SLC4A5: variants seen among roughly 807,000 people sequenced by gnomAD.
The protein encoded by SLC4A5 is solute carrier family 4 member 5.
Under a neutral mutation model 120.4 loss-of-function variants are expected in SLC4A5, and 96 were observed. That is an observed-to-expected ratio of 0.80 (90% CI 0.68 to 0.94). The LOEUF is 0.94. SLC4A5 is among the 40% of genes least tolerant of loss of function. SLC4A5 has a pLI of 0.00. For synonymous variants in SLC4A5, 550 were observed against 571.1 expected, an observed-to-expected ratio of 0.96 and a Z score of 0.53; for missense variants, 1,259 against 1,459.5, an observed-to-expected ratio of 0.86 and a Z score of 2.24.
chr2:74,280,558 C>T (rs567624621), intron 8 of SLC4A5, among the ~76,000 whole-genome samples: 7 of 152,348 alleles, frequency 4.6e-5, no homozygotes, highest in African/African-American at 1.7e-4. Context: ...TACTCTCCTT[C>T]AAACTGAGTG....
At chr2:74,267,575 A>G (rs1671344423) in intron 8 of SLC4A5, among the ~76,000 whole-genome samples, 1 of 152,256 alleles carries the variant, frequency 6.6e-6, no homozygotes, top group Admixed American at 6.5e-5. Context: ...GTCTGGAGAA[A>G]GCAAAAGTTT....
intron 8 of SLC4A5, among the ~76,000 whole-genome samples, chr2:74,277,320 C>T (rs1194446029): frequency 6.6e-6 from 1 of 152,070 alleles, no homozygotes; most frequent in Non-Finnish European, 1.5e-5. Flanking sequence ...GAGGCTGAGG[C>T]GGGTGGATCA....
At position 74,227,138 on chromosome 2, in the gene SLC4A5, G is replaced by A; in HGVS notation, c.2917-8C>T. On this transcript the variant is annotated splice_polypyrimidine_tract_variant and splice_region_variant and intron_variant, in intron 26 of 30. Transcript: ENST00000394019. The stretch of plus-strand genomic sequence containing the variant: ...CTTGCAGCGTTCCCAGAACTAGGGG[G>A]ACAGCGGGGGCTCAGCCAGGCAGCC... 3.1e-6 allele frequency: 5 copies of A among 1,601,880 alleles called. No homozygotes were observed. Among genetic ancestry groups the A allele is most frequent in the Non-Finnish European group, 4.3e-6 (5 of 1,174,132 alleles).
At chr2:74,226,732 C>T (rs996770928) in intron 27 of SLC4A5, among the ~76,000 whole-genome samples, 6 of 152,136 alleles carry the variant, frequency 3.9e-5, no homozygotes, top group East Asian at 3.9e-4. Context: ...TCTCACTGAG[C>T]GGCTCTGACA....
chr2:74,334,222 T>C (rs1234330532), intron 3 of SLC4A5, 45 bp from the exon 4 acceptor site: 1 of 152,290 alleles, frequency 6.6e-6, no homozygotes, highest in Non-Finnish European at 1.5e-5. Flanking sequence ...AAAGAGAAGC[T>C]GAGACATTGT....
chr2:74,252,862 A>G, intron 15 of SLC4A5, 112 bp downstream of exon 15: 1 of 1,300,642 alleles, frequency 7.7e-7, no homozygotes, highest in Middle Eastern at 2.1e-4. Flanking sequence ...TGTTGAGATT[A>G]CAGGCATGAG....
chr2:74,254,874 C>T (rs1192369617), intron 13 of SLC4A5, among the ~76,000 whole-genome samples, 168 bp from the exon 14 acceptor site: 1 of 150,594 alleles, frequency 6.6e-6, no homozygotes, highest in Admixed American at 6.6e-5. Flanking sequence ...GCATGGAGTG[C>T]AGTGGCGCAA....
At chr2:74,217,691 T>C (rs910915717) in exon 31 of SLC4A5, 1 of 152,252 alleles carries the variant, frequency 6.6e-6, no homozygotes, top group African/African-American at 2.4e-5. Flanking sequence ...TTTAGAAACA[T>C]TTATCCACTC....
At chr2:74,226,488 C>T (rs1038316113) in intron 27 of SLC4A5, among the ~76,000 whole-genome samples, 1 of 152,170 alleles carries the variant, frequency 6.6e-6, no homozygotes, top group Non-Finnish European at 1.5e-5. Context: ...TTTATATATA[C>T]CATCATTGGG....
rs760751396 is a variant in SLC4A5, at chr2:74,304,695, C to G, written c.80-15G>C. 1 of 1,602,752 alleles carries G rather than the reference C, an allele frequency of 6.2e-7. No homozygotes were observed. Among genetic ancestry groups the G allele is most frequent in the Non-Finnish European group, 8.5e-7 (1 of 1,173,426 alleles). ...AGGAGGGCATTCTGTGGACACGGCA[C>G]AAAAGACAGGGGAGGCAGGGTTACT... On this transcript the variant is annotated splice_polypyrimidine_tract_variant and intron_variant, in intron 6 of 30. Coordinates refer to ENST00000394019, the Ensembl canonical transcript of SLC4A5.
intron 7 of SLC4A5, among the ~76,000 whole-genome samples, chr2:74,300,365 AGTG>A (rs1382312912): frequency 6.6e-6 from 1 of 152,220 alleles, no homozygotes. Flanking sequence ...GGTAACTATG[AGTG>A]GTGATGAAGG....
intron 6 of SLC4A5, among the ~76,000 whole-genome samples, chr2:74,309,128 A>C (rs1040367529): frequency 1.5e-4 from 22 of 151,640 alleles, no homozygotes; most frequent in African/African-American, 5.3e-4. Flanking sequence ...TATGTTGCCC[A>C]GGCTGGTCTT....
chr2:74,238,026 C>A (rs549011574), intron 21 of SLC4A5, among the ~76,000 whole-genome samples: 1 of 152,078 alleles, frequency 6.6e-6, no homozygotes, highest in South Asian at 2.1e-4. Context: ...CACTTGAACC[C>A]GGGAGGCGGA....
intron 5 of SLC4A5, among the ~76,000 whole-genome samples, chr2:74,323,112 T>C (rs1428911633): frequency 1.3e-5 from 2 of 152,146 alleles, no homozygotes; most frequent in Non-Finnish European, 2.9e-5. Flanking sequence ...TGGTGGCACA[T>C]GCTTGTAATC....
intron 8 of SLC4A5, among the ~76,000 whole-genome samples, chr2:74,282,661 T>C (rs1249113082): frequency 2.0e-5 from 3 of 152,238 alleles, no homozygotes; most frequent in South Asian, 2.1e-4. Flanking sequence ...TCTGAGAGAA[T>C]AGAGACAGTG....
intron 21 of SLC4A5, among the ~76,000 whole-genome samples, chr2:74,238,890 G>A (rs1247353774): frequency 6.6e-6 from 1 of 152,102 alleles, no homozygotes; most frequent in Non-Finnish European, 1.5e-5. Context: ...TCACAGAGTG[G>A]GAGAAGATTT....
chr2:74,219,933 G>T (rs1243462877), intron 30 of SLC4A5, among the ~76,000 whole-genome samples: 1 of 152,192 alleles, frequency 6.6e-6, no homozygotes, highest in Non-Finnish European at 1.5e-5. Flanking sequence ...GGGGAAAAGT[G>T]TGTCGTTTCA....
chr2:74,320,130 T>C (rs1673059618), intron 5 of SLC4A5, among the ~76,000 whole-genome samples: 1 of 151,970 alleles, frequency 6.6e-6, no homozygotes, highest in East Asian at 1.9e-4. Flanking sequence ...AAACAAATAC[T>C]ATGACAAAAC....
intron 16 of SLC4A5, 108 bp from the exon 17 acceptor site, chr2:74,250,625 AG>A: frequency 3.0e-6 from 4 of 1,327,348 alleles, no homozygotes; most frequent in Non-Finnish European, 4.2e-6. Flanking sequence ...GAACTTGACC[AG>A]GGTGGATGGG....
Sources: gnomAD v4.1 joint callset for allele counts (sites outside exome capture counted in the v4.1 genomes callset) on GRCh38, gnomAD v4.1.1 for gene constraint, MANE v1.5 for transcripts, NCBI Gene and HGNC (gene_info 2026-07-23, HGNC 2026-07-21) for gene names.